DBT: variants seen among roughly 807,000 people sequenced by gnomAD.
The protein encoded by DBT is lipoamide acyltransferase component of branched-chain alpha-keto acid dehydrogenase complex, mitochondrial.
Under a neutral mutation model 51.3 loss-of-function variants are expected in DBT, and 40 were observed. That is an observed-to-expected ratio of 0.78 (90% CI 0.61 to 1.02). The LOEUF is 1.02. DBT is among the 50% of genes least tolerant of loss of function. The pLI is 0.00. For synonymous variants in DBT, 181 were observed against 190.4 expected, an observed-to-expected ratio of 0.95 and a Z score of 0.41; for missense variants, 510 against 580.2, an observed-to-expected ratio of 0.88 and a Z score of 1.24.
At chr1:100,239,649 T>A (rs925189267) in intron 2 of DBT, among the ~76,000 whole-genome samples, 2 of 151,682 alleles carry the variant, frequency 1.3e-5, no homozygotes, top group African/African-American at 4.9e-5. Flanking sequence ...GGCAGGAGGA[T>A]CTCTTGAATC....
At chr1:100,230,399 CA>C in intron 4 of DBT, among the ~76,000 whole-genome samples, 1 of 152,308 alleles carries the variant, frequency 6.6e-6, no homozygotes, top group African/African-American at 2.4e-5. Context: ...TTATGTGGAA[CA>C]ATGTATAATG....
intron 7 of DBT, 180 bp from the exon 8 acceptor site, chr1:100,210,951 C>T: frequency 1.7e-6 from 2 of 1,163,510 alleles, no homozygotes; most frequent in Admixed American, 2.2e-5. Context: ...CCATGTGGAA[C>T]TAGGTCACCC....
intron 4 of DBT, among the ~76,000 whole-genome samples, chr1:100,227,936 C>A (rs1185601384): frequency 6.6e-6 from 1 of 152,112 alleles, no homozygotes; most frequent in East Asian, 1.9e-4. Flanking sequence ...ACAACCTCTG[C>A]CTCTGGGGTT....
rs558272503 is a variant in DBT, at chr1:100,213,324, C to T, written c.939+1493G>A. 1.2e-5 allele frequency: 18 copies of T among 1,503,374 alleles called. No homozygotes were observed. In the South Asian group the frequency reaches 2.1e-4, roughly 18 times the overall value. The allele number at this position is 1,503,374 out of a possible 1,614,324, so 93.1% of individuals were successfully genotyped here. On this transcript the variant is annotated intron_variant, in intron 7 of 10. Coordinates refer to ENST00000370132, the MANE Select transcript of DBT (RefSeq NM_001918.5). ...CACAAGACTCTGCTGCAGGAGCGGC[C>T]GCCCGCCTACAACCTGGAGGCCGGC... is the stretch of plus-strand genomic sequence containing the variant.
chr1:100,213,494 C>T, intron 7 of DBT: 9 of 1,544,934 alleles, frequency 5.8e-6, no homozygotes, highest in Non-Finnish European at 8.1e-6. Context: ...CATCCGCTAT[C>T]CTACCAACTC....
intron 5 of DBT, among the ~76,000 whole-genome samples, chr1:100,218,077 G>A (rs1662603685): frequency 6.6e-6 from 1 of 152,200 alleles, no homozygotes; most frequent in Non-Finnish European, 1.5e-5. Flanking sequence ...GTCAATGACT[G>A]GCAGAGGAAA....
At chr1:100,216,780 G>A (rs866875224) in intron 5 of DBT, among the ~76,000 whole-genome samples, 28 of 152,152 alleles carry the variant, frequency 1.8e-4, no homozygotes, top group African/African-American at 5.8e-4. Context: ...TAATACAAAA[G>A]CTCTCTCAAA....
At chr1:100,204,933 T>C (rs1479347634) in intron 10 of DBT, among the ~76,000 whole-genome samples, 1 of 152,200 alleles carries the variant, frequency 6.6e-6, no homozygotes, top group African/African-American at 2.4e-5. Context: ...ACCCCTTCCT[T>C]ACACCTTATA....
At chr1:100,202,885 A>G (rs1661539203) in intron 10 of DBT, among the ~76,000 whole-genome samples, 1 of 152,228 alleles carries the variant, frequency 6.6e-6, no homozygotes, top group South Asian at 2.1e-4. Context: ...AACCAATGAG[A>G]ACAAAGACAC....
intron 7 of DBT, chr1:100,211,140 CA>C: frequency 2.6e-6 from 2 of 777,164 alleles, no homozygotes; most frequent in Admixed American, 3.4e-5. Flanking sequence ...AATCAAAACA[CA>C]AAAAAAGCAG....
intron 10 of DBT, among the ~76,000 whole-genome samples, chr1:100,200,937 C>T (rs891023996): frequency 1.3e-5 from 2 of 152,110 alleles, no homozygotes; most frequent in African/African-American, 4.8e-5. Context: ...GTAGATAAAT[C>T]CATAAAGATG....
At chr1:100,246,547 T>C (rs1056082523) in intron 1 of DBT, among the ~76,000 whole-genome samples, 3 of 152,216 alleles carry the variant, frequency 2.0e-5, no homozygotes, top group Non-Finnish European at 4.4e-5. Flanking sequence ...GTCAAATGCA[T>C]TATGTCCTAG....
At chr1:100,245,733 A>AG (rs1390194205) in intron 1 of DBT, among the ~76,000 whole-genome samples, 2 of 152,072 alleles carry the variant, frequency 1.3e-5, no homozygotes, top group African/African-American at 4.8e-5. Context: ...CAGAAGGATC[A>AG]CTGGAGCCCA....
Position 100,189,079 on chromosome 1 carries a change from G to A in DBT, c.*7176C>T, listed in dbSNP as rs1468603990. The A allele has an allele frequency of 1.3e-5, 2 of 152,260 alleles. No homozygotes were observed. The highest frequency in any genetic ancestry group is 2.9e-5 in the Non-Finnish European group (2 of 68,078). 9.4% of individuals were successfully genotyped at this position (152,260 alleles called of 1,614,324 possible). A position where few individuals can be genotyped will look rare whatever the true frequency, so the allele number is the denominator to read the frequency against. ...CTGCAGGCCAGGCACCGTGGCTCAT[G>A]CCTGTAATCCCAAAGCTTTGTGAGG... On this transcript the variant is annotated 3_prime_UTR_variant, in exon 11 of 11. Transcript: ENST00000370132.
At chr1:100,240,554 G>T (rs1424698458) in intron 2 of DBT, among the ~76,000 whole-genome samples, 1 of 152,086 alleles carries the variant, frequency 6.6e-6, no homozygotes, top group African/African-American at 2.4e-5. Flanking sequence ...TTAAAAAGGG[G>T]TGCCAGTGTT....
chr1:100,236,613 A>G (rs1663883752), intron 2 of DBT, among the ~76,000 whole-genome samples: 1 of 152,198 alleles, frequency 6.6e-6, no homozygotes, highest in South Asian at 2.1e-4. Context: ...ATAACCTGGC[A>G]ACTTTCTGAA....
chr1:100,206,672 T>C (rs757958382), intron 8 of DBT, 36 bp from the exon 9 acceptor site: 25 of 1,207,562 alleles, frequency 2.1e-5, no homozygotes, highest in Non-Finnish European at 3.0e-5. Context: ...GGGCTTTTAA[T>C]GAATAAGCTA....
rs897689944 is a variant in DBT, at chr1:100,235,473, T to C, written c.214A>G (p.Ile72Val). 2 of 1,597,048 alleles carry C rather than the reference T, an allele frequency of 1.3e-6. No individual in the cohort carries two copies. The highest frequency in any genetic ancestry group is 2.2e-5 in the East Asian group (1 of 44,616). Residue 72 changes from isoleucine (I) to valine (V), a missense_variant, in exon 3 of 11, where the codon ATT becomes GTT. Physicochemically the swap from Ile to Val is conservative, Grantham distance 29 (BLOSUM62 3). Coordinates refer to ENST00000370132, the MANE Select transcript of DBT (RefSeq NM_001918.5). Reference protein sequence around the residue: ...GQVVQFKLSDIGEGIREVTVK... With the variant: ...GQVVQFKLSDVGEGIREVTVK... Reference sequence around the variant, plus strand: ...GTTACTTCTCTAATCCCTTCTCCAATGTCTGAGAGCTTGAACTGAACAACC... The same window carrying C: ...GTTACTTCTCTAATCCCTTCTCCAACGTCTGAGAGCTTGAACTGAACAACC...
At chr1:100,225,042 A>AAT (rs1553231588) in intron 4 of DBT, among the ~76,000 whole-genome samples, 1 of 45,630 alleles carries the variant, frequency 2.2e-5, no homozygotes, top group African/African-American at 6.7e-5. Context: ...AAAAAAAAAA[A>AAT]ATATATATAT....
Sources: allele counts gnomAD v4.1 joint callset (sites outside exome capture counted in the v4.1 genomes callset), GRCh38; gene constraint gnomAD v4.1.1; transcripts MANE v1.5; gene names NCBI Gene and HGNC (gene_info 2026-07-23, HGNC 2026-07-21).